The following MTMR9 variants were observed in gnomAD, a reference collection of about 807,000 sequenced individuals.
The protein encoded by MTMR9 is myotubularin-related protein 9.
Under a neutral mutation model 69.5 loss-of-function variants are expected in MTMR9, and 39 were observed. The ratio of observed to expected loss-of-function variants is 0.56; its 90% CI spans 0.43 to 0.73. MTMR9 has a LOEUF of 0.73. Ranked by LOEUF, MTMR9 falls within the 30% of genes least tolerant of loss-of-function variation. The pLI, the probability that MTMR9 is intolerant of heterozygous loss-of-function variation, is 0.00. For missense variants in MTMR9, 900 were observed against 671.2 expected (o/e 1.34, Z -3.77); for synonymous variants, 354 against 240.8 (o/e 1.47, Z -4.35).
chr8:11,300,028 G>C lies in MTMR9; in HGVS notation c.297G>C (p.Leu99Phe), dbSNP rs1463596955. The change falls in exon 3 of 10, where the codon TTG becomes TTC. Residue 99 changes from leucine to phenylalanine, a missense_variant. Physicochemically the swap from Leu to Phe is conservative, Grantham distance 22. Transcript: ENST00000221086. ...TCTTTTCTTTTTGCCCCCAGGCATTGTCTACTCTGGACTCCATCACTCTGA... is the reference window on the plus strand; with the variant it reads ...TCTTTTCTTTTTGCCCCCAGGCATTCTCTACTCTGGACTCCATCACTCTGA... ...CLNIASSIEALSTLDSITLMY... is the reference protein window; with the variant it reads ...CLNIASSIEAFSTLDSITLMY... 1 of 1,610,954 alleles carries C rather than the reference G, an allele frequency of 6.2e-7. No homozygotes were observed. The highest frequency in any genetic ancestry group is 1.7e-5 in the Admixed American group (1 of 59,520).
intron 1 of MTMR9, among the ~76,000 whole-genome samples, chr8:11,288,394 G>A (rs986388437): frequency 1.1e-4 from 16 of 145,454 alleles, no homozygotes; most frequent in Non-Finnish European, 2.2e-4. Flanking sequence ...TAAGGGCCAG[G>A]AAGGAAAGTA....
At chr8:11,298,290 A>G (rs1799626301) in intron 2 of MTMR9, among the ~76,000 whole-genome samples, 1 of 152,022 alleles carries the variant, frequency 6.6e-6, no homozygotes, top group Non-Finnish European at 1.5e-5. Context: ...GTTCTGATTG[A>G]CGGCAGCCCT....
At chr8:11,335,768 A>G in the MTMR9 span, among the ~76,000 whole-genome samples, 17 of 152,274 alleles carry the variant, frequency 1.1e-4, no homozygotes, top group African/African-American at 3.4e-4. Context: ...GCCTTCATCT[A>G]TACATGGCAT....
chr8:11,309,440 G>T, intron 5 of MTMR9, 87 bp from the exon 6 acceptor site: 1 of 1,152,082 alleles, frequency 8.7e-7, no homozygotes, highest in South Asian at 1.6e-5. Context: ...TTTGCTCTTA[G>T]ATATGTTGGA....
At chr8:11,339,017 G>A in the MTMR9 span, among the ~76,000 whole-genome samples, 7 of 152,190 alleles carry the variant, frequency 4.6e-5, no homozygotes, top group Non-Finnish European at 1.0e-4. Flanking sequence ...GTCATATAGT[G>A]TCCAGGTTAT....
intron 4 of MTMR9, 55 bp downstream of exon 4, chr8:11,305,069 T>C (rs1199218819): frequency 1.3e-6 from 2 of 1,538,276 alleles, no homozygotes; most frequent in Non-Finnish European, 1.8e-6. Flanking sequence ...TGGGGATCTT[T>C]TCGTAGAAAT....
downstream of MTMR9, among the ~76,000 whole-genome samples, chr8:11,332,904 G>C (rs191973743): frequency 1.3e-5 from 2 of 152,238 alleles, no homozygotes; most frequent in East Asian, 3.9e-4. Context: ...CCAGCCTTCC[G>C]TAGAGTTTTT....
downstream of MTMR9, among the ~76,000 whole-genome samples, chr8:11,329,428 C>T (rs1389331566): frequency 1.3e-5 from 2 of 152,244 alleles, no homozygotes; most frequent in Non-Finnish European, 2.9e-5. Flanking sequence ...ATTCTCCTGC[C>T]TCAGCCTGCC....
intron 6 of MTMR9, among the ~76,000 whole-genome samples, chr8:11,310,921 C>G (rs1184129033): frequency 1.3e-5 from 2 of 152,118 alleles, no homozygotes; most frequent in East Asian, 1.9e-4. Flanking sequence ...TTTGAGCTGG[C>G]CACCTCAAAG....
rs778913551 is a variant in MTMR9 at position 11,309,720 on chromosome 8, C to G, written c.971+32C>G. ...TGCATTTCAGCGTTCCTGAGCGAAACATGGCGCTGCTAACTAGACTTTGTG... is the reference window on the plus strand; with the variant it reads ...TGCATTTCAGCGTTCCTGAGCGAAAGATGGCGCTGCTAACTAGACTTTGTG... On this transcript the variant is annotated intron_variant, in intron 6 of 9. Coordinates refer to ENST00000221086, the MANE Select transcript of MTMR9 (RefSeq NM_015458.4). 1.9e-6 allele frequency: 3 copies of G among 1,607,238 alleles called. No individual in the cohort carries two copies. The South Asian group carries it at 3.3e-5, about 18-fold the overall frequency.
chr8:11,337,565 G>A, the MTMR9 span, among the ~76,000 whole-genome samples: 5 of 152,258 alleles, frequency 3.3e-5, no homozygotes, highest in South Asian at 2.1e-4. Context: ...GAAGTGGTCC[G>A]GTGTGATAGT....
Position 11,300,142 on chromosome 8 carries a change from T to C in MTMR9, c.411T>C (p.Ser137=), listed in dbSNP as rs2117387535. The change falls in exon 3 of 10, where the codon TCT becomes TCC. Residue 137 remains serine, a synonymous_variant. Transcript: ENST00000221086. ...FLPEQEFELY[S]SATSEWRLSY... The stretch of plus-strand genomic sequence containing the variant: ...CTGAGCAAGAATTTGAACTCTATTC[T>C]TCAGCTGTGAGTTAACTTTTGAGAA... The C allele has an allele frequency of 6.2e-7, 1 of 1,612,992 alleles. No individual in the cohort carries two copies. The highest frequency in any genetic ancestry group is 8.5e-7 in the Non-Finnish European group (1 of 1,179,216).
chr8:11,302,726 A>T (rs1799794173), intron 3 of MTMR9, among the ~76,000 whole-genome samples: 1 of 152,206 alleles, frequency 6.6e-6, no homozygotes, highest in African/African-American at 2.4e-5. Context: ...AAGGAAAAAT[A>T]CAGGGTATAG....
At chr8:11,286,177 C>T (rs1047190094) in intron 1 of MTMR9, among the ~76,000 whole-genome samples, 1 of 151,736 alleles carries the variant, frequency 6.6e-6, no homozygotes, top group Non-Finnish European at 1.5e-5. Flanking sequence ...TGGTCTTGAA[C>T]TCCTGACCTC....
At position 11,316,773 on chromosome 8, in the gene MTMR9, G is replaced by T; in HGVS notation, c.1214G>T (p.Trp405Leu). 1 of 1,613,912 alleles carries T rather than the reference G, an allele frequency of 6.2e-7. No homozygotes were observed. The highest frequency in any genetic ancestry group is 1.3e-5 in the African/African-American group (1 of 74,994). Residue 405 changes from tryptophan to leucine, a missense_variant, in exon 8 of 10, where the codon TGG (tryptophan) becomes TTG (leucine). Transcript: ENST00000221086. ...TTTCTTCTCTTCTTGGACTGCGTGT[G>T]GCAGATCCTTCGTCAGTTTCCCTGT... is the stretch of plus-strand genomic sequence containing the variant. ...PVFLLFLDCV[W>L]QILRQFPCSF... is the part of the protein sequence containing the mutation.
At chr8:11,314,514 T>G (rs1482056889) in intron 6 of MTMR9, among the ~76,000 whole-genome samples, 1 of 152,198 alleles carries the variant, frequency 6.6e-6, no homozygotes, top group Non-Finnish European at 1.5e-5. Flanking sequence ...GAAAAATAAT[T>G]TTAGTGTATG....
At chr8:11,335,286 G>GAAATTTT in the MTMR9 span, among the ~76,000 whole-genome samples, 1 of 152,154 alleles carries the variant, frequency 6.6e-6, no homozygotes, top group Non-Finnish European at 1.5e-5. Flanking sequence ...ATGAACAAAT[G>GAAATTTT]AAATTTGACA....
chr8:11,324,122 GT>G lies in MTMR9; in HGVS notation c.*1335del, dbSNP rs1302627922. 2.6e-5 allele frequency: 4 copies of G among 152,062 alleles called. No homozygotes were observed. In the East Asian group the frequency reaches 7.7e-4, roughly 29 times the overall value. The allele number at this position is 152,062 out of a possible 1,614,324, so 9.4% of individuals were successfully genotyped here. A position where few individuals can be genotyped will look rare whatever the true frequency, so the allele number is the denominator to read the frequency against. Reference sequence around the variant, plus strand: ...CTTTAAAACCATTTCCATACCATCTGTATATAACCATTTCGGTAGAGAACAC... The same window carrying G: ...CTTTAAAACCATTTCCATACCATCTGATATAACCATTTCGGTAGAGAACAC... On this transcript the variant is annotated 3_prime_UTR_variant, in exon 10 of 10. Transcript: ENST00000221086.
At chr8:11,313,951 T>A (rs1049715325) in intron 6 of MTMR9, among the ~76,000 whole-genome samples, 1 of 152,174 alleles carries the variant, frequency 6.6e-6, no homozygotes, top group African/African-American at 2.4e-5. Flanking sequence ...AATCTCCCAT[T>A]TGTGGAAAAT....
Sources: allele counts gnomAD v4.1 joint callset (sites outside exome capture counted in the v4.1 genomes callset), GRCh38; gene constraint gnomAD v4.1.1; transcripts MANE v1.5; gene names NCBI Gene and HGNC (gene_info 2026-07-23, HGNC 2026-07-21).